ITGAL: variants seen among roughly 807,000 people sequenced by gnomAD.
ITGAL encodes the protein integrin alpha-L.
ITGAL carries 68 observed loss-of-function variants against 138.4 expected under a neutral mutation model. The ratio of observed to expected loss-of-function variants is 0.49; its 90% confidence interval spans 0.40 to 0.60. The LOEUF (loss-of-function observed/expected upper bound fraction) is 0.60. ITGAL is among the 20% of genes least tolerant of loss of function. ITGAL has a pLI of 0.00. For synonymous variants in ITGAL, 561 were observed against 584.3 expected, an observed-to-expected ratio of 0.96 and a Z score of 0.57; for missense variants, 1,256 against 1,478.6, an observed-to-expected ratio of 0.85 and a Z score of 2.47.
rs1276944769 is a variant in ITGAL at position 30,510,468 on chromosome 16, C to T, written c.2616C>T (p.His872=). 1 of 1,579,784 alleles carries T rather than the reference C, an allele frequency of 6.3e-7. No individual in the cohort carries two copies. The highest frequency in any genetic ancestry group is 2.2e-5 in the East Asian group (1 of 44,686). The change falls in exon 22 of 31, where the codon CAC becomes CAT. Residue 872 remains histidine, a synonymous_variant. Transcript: ENST00000356798. ...NVSSPIFKAG[H]SVALQMMFNT... is the part of the protein sequence containing the mutation. ...GCTCTCCCATCTTCAAAGCAGGCCA[C>T]TCGGTGAGTGCTTCAAGTCTCCAGG...
chr16:30,517,651 G>A lies in ITGAL; in HGVS notation c.2979G>A (p.Glu993=). ...GAAGACCTGCCGCTTGTTCCTAGGA[G>A]CCTCCCGTGCCCTGCCACTATGAGG... is the stretch of plus-strand genomic sequence containing the variant. The part of the protein sequence containing the change: ...PITHQWSVQM[E]PPVPCHYEDL... Residue 993 remains glutamate, a splice_region_variant and synonymous_variant, in exon 27 of 31, where the codon GAG becomes GAA. Transcript: ENST00000356798. 6.2e-7 allele frequency: 1 copy of A among 1,613,920 alleles called. No individual in the cohort carries two copies. The highest frequency in any genetic ancestry group is 8.5e-7 in the Non-Finnish European group (1 of 1,179,824).
At chr16:30,520,006 C>A in intron 30 of ITGAL, 39 bp downstream of exon 30, 1 of 1,427,640 alleles carries the variant, frequency 7.0e-7, no homozygotes, top group Non-Finnish European at 9.8e-7. Context: ...GCTGAGACAG[C>A]CAGGCTGGGG....
At chr16:30,493,277 T>TTTTATTTTA (rs1555506372) in intron 11 of ITGAL, among the ~76,000 whole-genome samples, 29 of 149,624 alleles carry the variant, frequency 1.9e-4, no homozygotes, top group Middle Eastern at 3.4e-3. Context: ...TTTTATTTTA[T>TTTTATTTTA]TTTATTTATT....
intron 18 of ITGAL, 133 bp from the exon 19 acceptor site, chr16:30,505,111 G>A: frequency 1.3e-6 from 1 of 744,704 alleles, no homozygotes; most frequent in Non-Finnish European, 2.0e-6. Flanking sequence ...TGGAAAGGCA[G>A]CTGGCTCCTG....
intron 25 of ITGAL, among the ~76,000 whole-genome samples, chr16:30,514,662 G>A (rs1221096646): frequency 6.6e-6 from 1 of 151,556 alleles, no homozygotes; most frequent in Non-Finnish European, 1.5e-5. Context: ...GACTTCAAGT[G>A]ATCTACCCAC....
At chr16:30,491,127 T>C (rs970341296) in intron 11 of ITGAL, among the ~76,000 whole-genome samples, 5 of 149,576 alleles carry the variant, frequency 3.3e-5, no homozygotes, top group African/African-American at 7.4e-5. Flanking sequence ...TCTAGCTGGG[T>C]GTGGTGGCTC....
chr16:30,488,702 C>CA (rs34533619), intron 9 of ITGAL, among the ~76,000 whole-genome samples: 28,733 of 57,148 alleles, frequency 0.5, 6,940 homozygotes, highest in South Asian at 0.76. Flanking sequence ...GACTCCATCT[C>CA]AAAAAAAAAA....
At chr16:30,514,176 TCTCGG>T (rs1490562595) in intron 25 of ITGAL, among the ~76,000 whole-genome samples, 1 of 152,204 alleles carries the variant, frequency 6.6e-6, no homozygotes, top group East Asian at 1.9e-4. Context: ...AGTGGTGCAA[TCTCGG>T]CTCACTGCAA....
chr16:30,515,011 G>C (rs921252010), intron 25 of ITGAL, among the ~76,000 whole-genome samples: 3 of 151,504 alleles, frequency 2.0e-5, no homozygotes, highest in African/African-American at 4.9e-5. Flanking sequence ...TTTTAGTAGA[G>C]AGAGGGTTTC....
chr16:30,482,551 G>A (rs1465848580), intron 7 of ITGAL, among the ~76,000 whole-genome samples: 4 of 152,120 alleles, frequency 2.6e-5, no homozygotes, highest in Non-Finnish European at 2.9e-5. Context: ...GGGCAAGGGC[G>A]GGTGGAAGTG....
At chr16:30,487,321 G>T (rs1245534678) in intron 9 of ITGAL, among the ~76,000 whole-genome samples, 1 of 152,062 alleles carries the variant, frequency 6.6e-6, no homozygotes, top group African/African-American at 2.4e-5. Flanking sequence ...TTTAACTCCT[G>T]GGCTCAAGCA....
chr16:30,474,986 A>G (rs1230667803), intron 2 of ITGAL, among the ~76,000 whole-genome samples: 1 of 151,420 alleles, frequency 6.6e-6, no homozygotes, highest in African/African-American at 2.4e-5. Flanking sequence ...AGCCTCCCAA[A>G]TAGATGGGAT....
rs1036495335 is a variant in ITGAL, at chr16:30,510,951, A to G, written c.2690A>G (p.Asn897Ser). Residue 897 changes from asparagine (N) to serine (S), a missense_variant, in exon 23 of 31, where the codon AAT (asparagine) becomes AGT (serine). Coordinates refer to ENST00000356798, the MANE Select transcript of ITGAL (RefSeq NM_002209.3). ...SWGDSVELHA[N>S]VTCNNEDSDL... ...GGGGACTCGGTTGAATTGCACGCCA[A>G]TGTGACCTGGTGAGCAGGCCCCGCC... 7 of 1,613,878 alleles carry G rather than the reference A, an allele frequency of 4.3e-6. No individual in the cohort carries two copies. Among genetic ancestry groups the G allele is most frequent in the African/African-American group, 1.3e-5 (1 of 74,870 alleles).
At chr16:30,518,765 GC>G (rs1567493137) in intron 29 of ITGAL, 46 bp downstream of exon 29, 1 of 1,423,512 alleles carries the variant, frequency 7.0e-7, no homozygotes, top group Non-Finnish European at 9.9e-7. Context: ...AACAGAGGGA[GC>G]CCAGGAGCCC....
Position 30,510,399 on chromosome 16 carries a change from T to C in ITGAL, c.2547T>C (p.Pro849=), listed in dbSNP as rs1484684174. 9 of 1,613,230 alleles carry C rather than the reference T, an allele frequency of 5.6e-6. No individual in the cohort carries two copies. In the Admixed American group the frequency reaches 1.5e-4, roughly 27 times the overall value. The change falls in exon 22 of 31, where the codon CCT becomes CCC. Residue 849 remains proline (P), a synonymous_variant. Coordinates refer to ENST00000356798, the MANE Select transcript of ITGAL (RefSeq NM_002209.3). ...TACCTGTGAGCTGCGAGGAGCTTCC[T>C]GAAGAGTCCAGGCTTCTGTCCAGGG... The part of the protein sequence containing the change: ...SQIPVSCEEL[P]EESRLLSRAL...
Position 30,506,752 on chromosome 16 carries a change from T to C in ITGAL, c.2404T>C (p.Ser802Pro). The change falls in exon 21 of 31, where the codon TCT (serine) becomes CCT (proline). Residue 802 changes from serine to proline, a missense_variant. By Grantham distance (74) the Ser-to-Pro change is moderately conservative (BLOSUM62 -1). Around this residue, in one of 3 missense-constraint regions of ITGAL, gnomAD observed 867 missense variants for 972.5 expected, o/e 0.89. Transcript: ENST00000356798. The part of the protein sequence containing the change: ...ALRLTAFASL[S>P]VELSLSNLEE... Reference sequence around the variant, plus strand: ...GCGTCTAACTGCTTTTGCCAGCCTCTCTGTGGAGCTGAGCCTGAGTAACTT... The same window carrying C: ...GCGTCTAACTGCTTTTGCCAGCCTCCCTGTGGAGCTGAGCCTGAGTAACTT... 6.2e-7 allele frequency: 1 copy of C among 1,613,884 alleles called. No individual in the cohort carries two copies. Among genetic ancestry groups the C allele is most frequent in the Non-Finnish European group, 8.5e-7 (1 of 1,179,918 alleles).
rs377313804 is a variant in ITGAL, at chr16:30,507,631, T to C, written c.2508+775T>C. Among the ~76,000 whole-genome samples, 80 of 151,078 alleles carry C rather than the reference T, an allele frequency of 5.3e-4. 1 individual carries two copies. In the South Asian group the frequency reaches 0.017, roughly 32 times the overall value. On this transcript the variant is annotated intron_variant, in intron 21 of 30. Coordinates refer to ENST00000356798, the MANE Select transcript of ITGAL (RefSeq NM_002209.3). The stretch of plus-strand genomic sequence containing the variant: ...TGCCACTGCACTCCAGCCTGGGTGA[T>C]AGAGCAAGACTCCATCTCAAAAAAA...
intron 21 of ITGAL, among the ~76,000 whole-genome samples, chr16:30,508,315 G>T (rs1156716258): frequency 6.7e-6 from 1 of 149,294 alleles, no homozygotes; most frequent in Non-Finnish European, 1.5e-5. Context: ...CCAGGTTCAA[G>T]TGATTCTCCT....
At chr16:30,496,631 ATT>A in intron 15 of ITGAL, 65 bp downstream of exon 15, 1 of 1,392,924 alleles carries the variant, frequency 7.2e-7, no homozygotes, top group Non-Finnish European at 9.4e-7. Context: ...TTTATATTTT[ATT>A]TTATTTATTT....
Sources: gnomAD v4.1 joint callset for allele counts (sites outside exome capture counted in the v4.1 genomes callset) on GRCh38, gnomAD v4.1.1 for gene constraint, gnomAD v4.1.1 regional missense constraint, MANE v1.5 for transcripts, NCBI Gene and HGNC (gene_info 2026-07-23, HGNC 2026-07-21) for gene names.